TTL: variants seen among roughly 807,000 people sequenced by gnomAD.
TTL encodes the protein tubulin--tyrosine ligase.
In TTL, 10 loss-of-function variants were observed where a neutral mutation model predicts 41.1. The ratio of observed to expected loss-of-function variants is 0.24; its 90% CI spans 0.15 to 0.41. The LOEUF (loss-of-function observed/expected upper bound fraction) is 0.41, where lower values mean the gene tolerates loss of function less well. Among genes scored for constraint, TTL ranks in the 10% least tolerant of loss-of-function variants. TTL has a pLI of 1.00. For synonymous variants in TTL, 175 were observed against 175.5 expected (o/e 1.00, Z 0.02); for missense variants, 367 against 460.4 (o/e 0.80, Z 1.86).
At position 112,529,288 on chromosome 2, in the gene TTL, T is replaced by A. The variant is rs1682447702; in HGVS notation, c.*493T>A. Reference sequence around the variant, plus strand: ...AAGCATGCACCAACAGTCCTTAGTTTTGTGCTGTGCACTGGCCTCTCGGCA... The same window carrying A: ...AAGCATGCACCAACAGTCCTTAGTTATGTGCTGTGCACTGGCCTCTCGGCA... On this transcript the variant is annotated 3_prime_UTR_variant, in exon 7 of 7. Transcript: ENST00000233336. 1 of 240,136 alleles carries A rather than the reference T, an allele frequency of 4.2e-6. No individual in the cohort carries two copies. The highest frequency in any genetic ancestry group is 2.2e-5 in the African/African-American group (1 of 45,454). 14.9% of individuals were successfully genotyped at this position (240,136 alleles called of 1,614,324 possible). A position where few individuals can be genotyped will look rare whatever the true frequency, so the allele number is the denominator to read the frequency against.
chr2:112,523,191 C>T (rs1381901749), intron 6 of TTL, among the ~76,000 whole-genome samples: 1 of 152,172 alleles, frequency 6.6e-6, no homozygotes, highest in Non-Finnish European at 1.5e-5. Flanking sequence ...CCAGCCTTAC[C>T]GTGGCTGGCT....
rs1682743918 is a variant in TTL, at chr2:112,541,550, G to T, written c.*12755G>T. ...TAGGAAAGGGGAAGTTGACAGTAAG[G>T]AGGGACTATCAGGGGCAGGAGGATA... On this transcript the variant is annotated 3_prime_UTR_variant, in exon 7 of 7. Coordinates refer to ENST00000233336, the MANE Select transcript of TTL (RefSeq NM_153712.5). 1 of 152,432 alleles carries T rather than the reference G, an allele frequency of 6.6e-6. No homozygotes were observed. The highest frequency in any genetic ancestry group is 1.9e-4 in the East Asian group (1 of 5,194). 9.4% of individuals were successfully genotyped at this position (152,432 alleles called of 1,614,324 possible). A position where few individuals can be genotyped will look rare whatever the true frequency, so the allele number is the denominator to read the frequency against.
Position 112,482,860 on chromosome 2 carries a change from G to T in TTL, c.157+359G>T, listed in dbSNP as rs1051974504. ...CAGATTTGGCGGGTCCGCCGCGCTG[G>T]GCGCGGCTCCGCAGAGCGGGCGGCT... On this transcript the variant is annotated intron_variant, in intron 1 of 6. Transcript: ENST00000233336. This position sits in a 1 kb window ranked among gnomAD's most constrained non-coding sequence, Gnocchi z 5.3. Among the ~76,000 whole-genome samples the T allele has an allele frequency of 6.6e-6, 1 of 152,152 alleles. No homozygotes were observed. Among genetic ancestry groups the T allele is most frequent in the Non-Finnish European group, 1.5e-5 (1 of 68,030 alleles).
At position 112,482,325 on chromosome 2, in the gene TTL, C is replaced by G; in HGVS notation, c.-20C>G. 6.7e-7 allele frequency: 1 copy of G among 1,485,050 alleles called. No individual in the cohort carries two copies. Among genetic ancestry groups the G allele is most frequent in the Non-Finnish European group, 9.0e-7 (1 of 1,112,498 alleles). 92.0% of individuals were successfully genotyped at this position (1,485,050 alleles called of 1,614,324 possible). On this transcript the variant is annotated 5_prime_UTR_variant, in exon 1 of 7. Transcript: ENST00000233336. This position sits in a 1 kb window ranked among gnomAD's most constrained non-coding sequence, Gnocchi z 5.3. Reference sequence around the variant, plus strand: ...TCCCTGCGGCGGCTGCCCGGCGGCCCGGGCGCGCGGCGCTTCGCCATGTAC... The same window carrying G: ...TCCCTGCGGCGGCTGCCCGGCGGCCGGGGCGCGCGGCGCTTCGCCATGTAC...
chr2:112,535,045 GAGAA>G lies in TTL; in HGVS notation c.*6254_*6257del, dbSNP rs529582071. 5.5e-3 allele frequency: 825 copies of G among 151,006 alleles called. 14 individuals carry two copies. Among genetic ancestry groups the G allele is most frequent in the African/African-American group, 0.019 (799 of 41,152 alleles). The allele number at this position is 151,006 out of a possible 1,614,324, so 9.4% of individuals were successfully genotyped here. On this transcript the variant is annotated 3_prime_UTR_variant, in exon 7 of 7. Coordinates refer to ENST00000233336, the MANE Select transcript of TTL (RefSeq NM_153712.5). ...GAGGGAAAGGAGGGAGGGAAGAAAA[GAGAA>G]AGATTGAGAAAGAAAAAAGAGAAAG...
intron 6 of TTL, among the ~76,000 whole-genome samples, chr2:112,527,496 C>T (rs1377255969): frequency 6.6e-6 from 1 of 152,086 alleles, no homozygotes; most frequent in Non-Finnish European, 1.5e-5. Context: ...TCTGGGTGCG[C>T]CTGTATTGGG....
intron 3 of TTL, among the ~76,000 whole-genome samples, chr2:112,496,774 C>A (rs1173566378): frequency 1.9e-4 from 27 of 142,584 alleles, no homozygotes; most frequent in African/African-American, 6.5e-4. Flanking sequence ...ATGGCATGAT[C>A]TCAGTTCACT....
At chr2:112,501,412 G>A in intron 4 of TTL, 71 bp downstream of exon 4, 5 of 1,377,944 alleles carry the variant, frequency 3.6e-6, no homozygotes, top group Admixed American at 2.0e-5. Flanking sequence ...TGGTGGGAAG[G>A]GGGACATGGA....
At chr2:112,521,416 GTTC>G (rs1417989836) in intron 6 of TTL, 1 of 948,668 alleles carries the variant, frequency 1.1e-6, no homozygotes, top group Non-Finnish European at 1.3e-6. Flanking sequence ...TGTGCTGAGG[GTTC>G]TTCTGAAGAT....
chr2:112,488,232 C>T (rs1178910322), intron 2 of TTL, among the ~76,000 whole-genome samples: 7 of 152,202 alleles, frequency 4.6e-5, no homozygotes, highest in Admixed American at 4.6e-4. Flanking sequence ...CTGAGCATTG[C>T]TGTTTTATAG....
chr2:112,529,100 T>C lies in TTL; in HGVS notation c.*305T>C, dbSNP rs549233064. 1.2e-4 allele frequency: 54 copies of C among 449,258 alleles called. No homozygotes were observed. The East Asian group carries it at 1.9e-3, about 16-fold the overall frequency. The allele number at this position is 449,258 out of a possible 1,614,324, so 27.8% of individuals were successfully genotyped here. On this transcript the variant is annotated 3_prime_UTR_variant, in exon 7 of 7. Transcript: ENST00000233336. ...GGGAACGGCAGGGCACTGGGACCTC[T>C]GGTCGGTGCCTCCCACCCACTGCAG...
At position 112,534,360 on chromosome 2, in the gene TTL, C is replaced by G. The variant is rs1360679242; in HGVS notation, c.*5565C>G. The G allele has an allele frequency of 6.7e-6, 1 of 149,436 alleles. No individual in the cohort carries two copies. The highest frequency in any genetic ancestry group is 6.7e-5 in the Admixed American group (1 of 14,956). The allele number at this position is 149,436 out of a possible 1,614,324, so 9.3% of individuals were successfully genotyped here. A position where few individuals can be genotyped will look rare whatever the true frequency, so the allele number is the denominator to read the frequency against. ...AAAAAAAAAAAGGAAAGGGTTGCAT[C>G]TGGGTAAGAAAAGCAAGCTTTCTGA... is the stretch of plus-strand genomic sequence containing the variant. On this transcript the variant is annotated 3_prime_UTR_variant, in exon 7 of 7. Coordinates refer to ENST00000233336, the MANE Select transcript of TTL (RefSeq NM_153712.5).
chr2:112,494,414 A>G (rs986249337), intron 3 of TTL, 39 bp downstream of exon 3: 1 of 1,515,210 alleles, frequency 6.6e-7, no homozygotes, highest in Non-Finnish European at 9.1e-7. Context: ...ATTCCTGGTA[A>G]GTTGCTATTG....
In TTL at chr2:112,530,502, G is replaced by A. The variant is rs1199634142; in HGVS notation, c.*1707G>A. ...TGAGGCCCAACGCAGCCGATGGGTT[G>A]GTGTTTGGGAAATTCTGAGATGGGA... On this transcript the variant is annotated 3_prime_UTR_variant, in exon 7 of 7. Coordinates refer to ENST00000233336, the MANE Select transcript of TTL (RefSeq NM_153712.5). 1 of 228,512 alleles carries A rather than the reference G, an allele frequency of 4.4e-6. No individual in the cohort carries two copies. The highest frequency in any genetic ancestry group is 2.2e-5 in the African/African-American group (1 of 45,050). The allele number at this position is 228,512 out of a possible 1,614,324, so 14.2% of individuals were successfully genotyped here.
intron 4 of TTL, among the ~76,000 whole-genome samples, chr2:112,502,332 A>G (rs1681723409): frequency 1.3e-5 from 2 of 152,140 alleles, no homozygotes; most frequent in Admixed American, 6.6e-5. Flanking sequence ...TCATAGGTTA[A>G]CCTTAAAATC....
chr2:112,500,996 G>C (rs1448262940), intron 3 of TTL, among the ~76,000 whole-genome samples: 2 of 148,688 alleles, frequency 1.3e-5, no homozygotes, highest in Non-Finnish European at 3.0e-5. Flanking sequence ...GTTGACACCT[G>C]TATGGAGAAA....
chr2:112,524,765 C>T (rs189425198), intron 6 of TTL, among the ~76,000 whole-genome samples: 1 of 152,230 alleles, frequency 6.6e-6, no homozygotes, highest in East Asian at 1.9e-4. Context: ...ATGGTAGTTT[C>T]TTTTGCTGTG....
rs1356337236 is a variant in TTL at position 112,520,417 on chromosome 2, A to G, written c.1011A>G (p.Ala337=). 1.2e-6 allele frequency: 2 copies of G among 1,613,676 alleles called. No homozygotes were observed. Among genetic ancestry groups the G allele is most frequent in the African/African-American group, 1.3e-5 (1 of 74,904 alleles). Residue 337 remains alanine (A), a synonymous_variant, in exon 6 of 7, where the codon GCA becomes GCG. Coordinates refer to ENST00000233336, the MANE Select transcript of TTL (RefSeq NM_153712.5). Reference sequence around the variant, plus strand: ...TCATTGAGGTCAACGGTGCCCCTGCATGTGCTCAGTAAGCCTGCACGTCAT... The same window carrying G: ...TCATTGAGGTCAACGGTGCCCCTGCGTGTGCTCAGTAAGCCTGCACGTCAT... The part of the protein sequence containing the change: ...VWLIEVNGAP[A]CAQKLYAELC...
intron 5 of TTL, among the ~76,000 whole-genome samples, chr2:112,514,188 A>G (rs1352155069): frequency 6.6e-6 from 1 of 152,128 alleles, no homozygotes; most frequent in Admixed American, 6.6e-5. Flanking sequence ...GTTCAAGACC[A>G]GCCTGATACA....
Sources: allele counts gnomAD v4.1 joint callset (sites outside exome capture counted in the v4.1 genomes callset), GRCh38; gene constraint gnomAD v4.1.1; non-coding constraint Gnocchi (gnomAD v3.1); transcripts MANE v1.5; gene names NCBI Gene and HGNC (gene_info 2026-07-23, HGNC 2026-07-21).